The following ABCC10 variants were observed in gnomAD, a reference collection of about 807,000 sequenced individuals.
The protein encoded by ABCC10 is ATP binding cassette subfamily C member 10, also known as ATP-binding cassette sub-family C member 10.
A neutral mutation model predicts 143.2 loss-of-function variants in ABCC10; 110 were observed. The observed-to-expected ratio is 0.77, with a 90% confidence interval of 0.66 to 0.90. The LOEUF (loss-of-function observed/expected upper bound fraction) is 0.90. Among genes scored for constraint, ABCC10 ranks in the 40% least tolerant of loss-of-function variants. The pLI, the probability that ABCC10 is intolerant of heterozygous loss-of-function variation, is 0.00. For synonymous variants in ABCC10, 805 were observed against 846.7 expected (o/e 0.95, Z 0.85); for missense variants, 1,700 against 1,900.5 (o/e 0.89, Z 1.96).
chr6:43,430,573 G>A (rs1392182716), intron 2 of ABCC10, among the ~76,000 whole-genome samples: 2 of 151,882 alleles, frequency 1.3e-5, no homozygotes, highest in Admixed American at 6.6e-5. Context: ...CCAGCCTGGC[G>A]ACAGAGCAAG....
chr6:43,443,433 G>C lies in ABCC10; in HGVS notation c.2416+274G>C, dbSNP rs906950485. 2 of 397,572 alleles carry C rather than the reference G, an allele frequency of 5.0e-6. No homozygotes were observed. The highest frequency in any genetic ancestry group is 8.9e-6 in the Non-Finnish European group (2 of 224,432). 24.6% of individuals were successfully genotyped at this position (397,572 alleles called of 1,614,324 possible). Reference sequence around the variant, plus strand: ...CTCTGAGAACATTCTCATATCTTCAGAGAAGAGAAAGGAGTCAGGTTTAGA... The same window carrying C: ...CTCTGAGAACATTCTCATATCTTCACAGAAGAGAAAGGAGTCAGGTTTAGA... On this transcript the variant is annotated intron_variant, in intron 10 of 21. Coordinates refer to ENST00000372530, the MANE Select transcript of ABCC10 (RefSeq NM_001198934.2). This position sits in a 1 kb window ranked among gnomAD's most constrained non-coding sequence, Gnocchi z 4.2.
chr6:43,438,067 A>G lies in ABCC10; in HGVS notation c.1955+54A>G, dbSNP rs1044651053. On this transcript the variant is annotated intron_variant, in intron 7 of 21. Coordinates refer to ENST00000372530, the MANE Select transcript of ABCC10 (RefSeq NM_001198934.2). ...TTACTTTGTCCTTTAGCAAACACTGAGCCCCTCTTATGTGTTGGACACCTT... is the reference window on the plus strand; with the variant it reads ...TTACTTTGTCCTTTAGCAAACACTGGGCCCCTCTTATGTGTTGGACACCTT... The G allele has an allele frequency of 1.5e-5, 23 of 1,560,216 alleles. No individual in the cohort carries two copies. The Middle Eastern group carries it at 8.4e-4, about 57-fold the overall frequency.
Position 43,450,352 on chromosome 6 carries a change from T to C in ABCC10, c.*261T>C, listed in dbSNP as rs577901743. ...GGGTTTTTCTGGCATAGGAGCCCAC[T>C]TGCATTTTCATAGTTTTATTTGATA... On this transcript the variant is annotated 3_prime_UTR_variant, in exon 22 of 22. Coordinates refer to ENST00000372530, the MANE Select transcript of ABCC10 (RefSeq NM_001198934.2). This position sits in a 1 kb window ranked among gnomAD's most constrained non-coding sequence, Gnocchi z 4.5. 4.0e-4 allele frequency: 379 copies of C among 949,328 alleles called. No individual in the cohort carries two copies. Among genetic ancestry groups the C allele is most frequent in the Non-Finnish European group, 5.4e-4 (365 of 670,674 alleles). 58.8% of individuals were successfully genotyped at this position (949,328 alleles called of 1,614,324 possible). A position where few individuals can be genotyped will look rare whatever the true frequency, so the allele number is the denominator to read the frequency against.
intron 7 of ABCC10, 111 bp downstream of exon 7, chr6:43,438,124 C>T (rs1295035177): frequency 5.8e-6 from 7 of 1,215,200 alleles, no homozygotes; most frequent in Non-Finnish European, 7.0e-6. Flanking sequence ...AAGAGCAACG[C>T]ATGGTCCCTT....
intron 2 of ABCC10, among the ~76,000 whole-genome samples, chr6:43,428,557 CCTT>C (rs1780748703): frequency 6.6e-6 from 1 of 152,128 alleles, no homozygotes; most frequent in South Asian, 2.1e-4. Flanking sequence ...ACCCATGAAA[CCTT>C]AGTGTTTCCA....
At chr6:43,438,380 C>G in intron 7 of ABCC10, 1 of 1,421,262 alleles carries the variant, frequency 7.0e-7, no homozygotes, top group South Asian at 1.6e-5. Context: ...CCACTGAGCT[C>G]CTGAACAGAT....
At chr6:43,451,240 C>T (rs142658388), downstream of ABCC10, 15 of 1,613,886 alleles carry the variant, frequency 9.3e-6, no homozygotes, top group African/African-American at 5.3e-5. The surrounding 1 kb of genome is among the most constrained non-coding windows in gnomAD (Gnocchi z 4.4). Flanking sequence ...AAGCCCTGGT[C>T]GTCCTGGCAC....
Position 43,449,092 on chromosome 6 carries a change from A to G in ABCC10, c.4106-15A>G, listed in dbSNP as rs761181549. ...GGATGGCCTGGGCCCTGCAACGAAG[A>G]TGCTTTCCTTGCAGGTGGTCTGGAT... On this transcript the variant is annotated splice_polypyrimidine_tract_variant and intron_variant, in intron 19 of 21. Coordinates refer to ENST00000372530, the MANE Select transcript of ABCC10 (RefSeq NM_001198934.2). 1.9e-6 allele frequency: 3 copies of G among 1,613,948 alleles called. No individual in the cohort carries two copies. The highest frequency in any genetic ancestry group is 1.3e-5 in the African/African-American group (1 of 74,934).
In ABCC10 at chr6:43,445,689, T is replaced by G. The variant is rs760236744; in HGVS notation, c.3121T>G (p.Phe1041Val). Residue 1041 changes from phenylalanine to valine, a missense_variant, in exon 15 of 22, where the codon TTC becomes GTC. By Grantham distance (50) the Phe-to-Val change is conservative. Coordinates refer to ENST00000372530, the MANE Select transcript of ABCC10 (RefSeq NM_001198934.2). ...DVACADDSLP[F>V]ILNILLANAA... ...GGCCTGTGCGGATGACAGCCTGCCC[T>G]TCATCCTCAACATCCTCCTGGCCAA... The G allele has an allele frequency of 6.2e-7, 1 of 1,614,206 alleles. No homozygotes were observed. The highest frequency in any genetic ancestry group is 8.5e-7 in the Non-Finnish European group (1 of 1,180,038).
At chr6:43,449,079 C>T in intron 19 of ABCC10, 28 bp from the exon 20 acceptor site, 1 of 1,613,838 alleles carries the variant, frequency 6.2e-7, no homozygotes, top group Non-Finnish European at 8.5e-7. Flanking sequence ...ATGGCCTGGG[C>T]CCTGCAACGA....
rs1157356859 is a variant in ABCC10, at chr6:43,445,880, T to G, written c.3312T>G (p.Tyr1104Ter). 1 of 1,613,978 alleles carries G rather than the reference T, an allele frequency of 6.2e-7. No homozygotes were observed. Among genetic ancestry groups the G allele is most frequent in the African/African-American group, 1.3e-5 (1 of 75,040 alleles). ...RLGSLTLSPL[Y>*]SHLADTLAGL... ...GCAGCCTCACCCTGTCTCCACTGTA[T>G]AGCCATCTGGCCGATACCTTGGCTG... is the stretch of plus-strand genomic sequence containing the variant. Residue 1104 changes from tyrosine (Y) to a stop codon, truncating the protein, a stop_gained, in exon 15 of 22, where the codon TAT (tyrosine) becomes TAG (stop). Coordinates refer to ENST00000372530, the MANE Select transcript of ABCC10 (RefSeq NM_001198934.2). LOFTEE classifies it high-confidence loss of function.
intron 8 of ABCC10, among the ~76,000 whole-genome samples, chr6:43,440,918 CA>C (rs10715690): frequency 0.68 from 92,871 of 137,164 alleles, 31,363 homozygotes; most frequent in Non-Finnish European, 0.71. Flanking sequence ...CTCTTCTCTA[CA>C]AAAAAAAAAA....
At position 43,429,586 on chromosome 6, in the gene ABCC10, C is replaced by T. The variant is rs148777109; in HGVS notation, c.161+1447C>T. Among the ~76,000 whole-genome samples the T allele has an allele frequency of 6.6e-5, 10 of 152,150 alleles. No individual in the cohort carries two copies. The East Asian group carries it at 1.9e-3, about 29-fold the overall frequency. On this transcript the variant is annotated intron_variant, in intron 2 of 21. Transcript: ENST00000372530. ...TGCTGGGGCCACAAGTGCATGCCAC[C>T]ACACCTGGCTAATTTTTTTAAAAAT... is the stretch of plus-strand genomic sequence containing the variant.
downstream of ABCC10, chr6:43,450,921 G>A: frequency 6.2e-7 from 1 of 1,614,186 alleles, no homozygotes; most frequent in East Asian, 2.2e-5. The surrounding 1 kb of genome is among the most constrained non-coding windows in gnomAD (Gnocchi z 4.5). Flanking sequence ...CACTGTGGTT[G>A]GGGGGTCTGG....
chr6:43,449,664 C>G (rs1783548179), intron 21 of ABCC10, 130 bp downstream of exon 21: 1 of 837,244 alleles, frequency 1.2e-6, no homozygotes, highest in African/African-American at 1.7e-5. Flanking sequence ...GCTCCTCCTT[C>G]TCCAGGGACG....
chr6:43,444,878 GC>G lies in ABCC10; in HGVS notation c.2783del (p.Pro928GlnfsTer50). The G allele has an allele frequency of 6.2e-7, 1 of 1,614,014 alleles. No homozygotes were observed. Among genetic ancestry groups the G allele is most frequent in the Non-Finnish European group, 8.5e-7 (1 of 1,179,948 alleles). On this transcript the variant is annotated frameshift_variant, in exon 13 of 22. Coordinates refer to ENST00000372530, the MANE Select transcript of ABCC10 (RefSeq NM_001198934.2). LOFTEE classifies it high-confidence loss of function. The stretch of plus-strand genomic sequence containing the variant: ...TCCCAGGAGGCGCAACCCTCCACCA[GC>G]CCAGCTTCTATGGGGCTCTTCTCTC... ...NSSQEAQPST[S>X]PASMGLFSPQ...
chr6:43,435,700 A>G, intron 4 of ABCC10, 51 bp from the exon 5 acceptor site: 6 of 1,592,990 alleles, frequency 3.8e-6, no homozygotes, highest in Non-Finnish European at 5.1e-6. Context: ...TCCCATAGAA[A>G]CAGGCCCTTA....
chr6:43,451,903 T>G, downstream of ABCC10: 1 of 1,611,900 alleles, frequency 6.2e-7, no homozygotes, highest in Non-Finnish European at 8.5e-7. This position sits in a 1 kb window ranked among gnomAD's most constrained non-coding sequence, Gnocchi z 4.4. Flanking sequence ...CAGGTTCTGG[T>G]CTAACCTTCC....
chr6:43,437,405 C>T (rs747062683), intron 6 of ABCC10, among the ~76,000 whole-genome samples: 2 of 117,966 alleles, frequency 1.7e-5, no homozygotes, highest in Non-Finnish European at 3.3e-5. Flanking sequence ...TTTTTTTGAG[C>T]AGGGAGATAG....
Sources: gnomAD v4.1 joint callset for allele counts (sites outside exome capture counted in the v4.1 genomes callset) on GRCh38, gnomAD v4.1.1 for gene constraint, Gnocchi (gnomAD v3.1) non-coding constraint, MANE v1.5 for transcripts, NCBI Gene and HGNC (gene_info 2026-07-23, HGNC 2026-07-21) for gene names.